The following EML6 variants were observed in gnomAD, a reference collection of about 807,000 sequenced individuals.
EML6 encodes echinoderm microtubule-associated protein-like 6.
EML6 carries 154 observed loss-of-function variants against 240.1 expected under a neutral mutation model. That is an observed-to-expected ratio of 0.64 (90% confidence interval 0.56 to 0.73). EML6 has a LOEUF of 0.73. EML6 is among the 30% of genes least tolerant of loss of function. The pLI is 0.00. For missense variants in EML6, 2,964 were observed against 2,474.6 expected (o/e 1.20, Z -4.20); for synonymous variants, 1,148 against 899.0 (o/e 1.28, Z -4.95).
chr2:54,923,099 G>T (rs2104359364), intron 26 of EML6, among the ~76,000 whole-genome samples: 1 of 151,912 alleles, frequency 6.6e-6, no homozygotes, highest in East Asian at 1.9e-4. Context: ...GTGGCACTAT[G>T]CCTGGCTAAT....
At chr2:54,966,390 G>C (rs939931781) in intron 38 of EML6, among the ~76,000 whole-genome samples, 1 of 152,240 alleles carries the variant, frequency 6.6e-6, no homozygotes, top group Non-Finnish European at 1.5e-5. Flanking sequence ...AAGCACTGCA[G>C]GGAGAGAGGA....
At chr2:54,729,324 TG>T (rs1431138675) in intron 2 of EML6, among the ~76,000 whole-genome samples, 3 of 152,260 alleles carry the variant, frequency 2.0e-5, no homozygotes, top group Admixed American at 6.5e-5. Context: ...GTGTGTTTTG[TG>T]ACCGATGCTG....
chr2:54,740,020 T>C (rs1683562225), intron 2 of EML6, among the ~76,000 whole-genome samples: 1 of 152,200 alleles, frequency 6.6e-6, no homozygotes. Flanking sequence ...AGTCAGCTGG[T>C]TGAATGGTGA....
chr2:54,883,389 T>C (rs942885886), intron 17 of EML6, among the ~76,000 whole-genome samples: 3 of 152,210 alleles, frequency 2.0e-5, no homozygotes, highest in Non-Finnish European at 2.9e-5. Flanking sequence ...AGTTAGTATA[T>C]GTATCAAACA....
At chr2:54,893,567 G>A (rs1672595468) in intron 19 of EML6, among the ~76,000 whole-genome samples, 1 of 152,086 alleles carries the variant, frequency 6.6e-6, no homozygotes. Context: ...TTTTGGAGGG[G>A]GCTAATATTT....
At chr2:54,907,254 T>C (rs1573116731) in intron 24 of EML6, among the ~76,000 whole-genome samples, 2 of 152,310 alleles carry the variant, frequency 1.3e-5, no homozygotes, top group Middle Eastern at 3.4e-3. Context: ...CTCACACCTG[T>C]ATTCTCAGCA....
chr2:54,961,192 T>TTTTGTTTG (rs1676492034), intron 35 of EML6, among the ~76,000 whole-genome samples: 1 of 113,432 alleles, frequency 8.8e-6, no homozygotes, highest in Non-Finnish European at 1.8e-5. Context: ...TAGTTTTTTT[T>TTTTGTTTG]TTTTTTTTTT....
chr2:54,749,831 C>G (rs1406734356), intron 2 of EML6, among the ~76,000 whole-genome samples: 2 of 152,298 alleles, frequency 1.3e-5, no homozygotes, highest in Admixed American at 6.5e-5. Flanking sequence ...ATTTTAGTCA[C>G]TCAGTTATTG....
intron 2 of EML6, among the ~76,000 whole-genome samples, chr2:54,770,103 T>C (rs1003521601): frequency 6.6e-5 from 10 of 152,210 alleles, no homozygotes; most frequent in African/African-American, 2.4e-4. Context: ...TACTCAAATA[T>C]TTGTCCTGAG....
intron 2 of EML6, among the ~76,000 whole-genome samples, chr2:54,793,706 A>G (rs1194578757): frequency 6.6e-6 from 1 of 152,164 alleles, no homozygotes; most frequent in African/African-American, 2.4e-5. Context: ...CCTTTGAGCC[A>G]GATGTGGCTG....
chr2:54,872,079 A>G (rs1573040788), intron 16 of EML6, among the ~76,000 whole-genome samples: 1 of 152,348 alleles, frequency 6.6e-6, no homozygotes, highest in African/African-American at 2.4e-5. Flanking sequence ...CCAGTTTACA[A>G]CATTGGTATT....
intron 28 of EML6, among the ~76,000 whole-genome samples, chr2:54,944,695 A>G (rs1164072453): frequency 6.6e-6 from 1 of 152,108 alleles, no homozygotes; most frequent in Non-Finnish European, 1.5e-5. Flanking sequence ...GAGCATTTTC[A>G]AGAGGGTAGG....
chr2:54,823,608 G>A (rs1668431414), intron 5 of EML6, among the ~76,000 whole-genome samples: 1 of 152,074 alleles, frequency 6.6e-6, no homozygotes. Flanking sequence ...AATTGTTTCA[G>A]CCATGAGTAA....
chr2:54,883,979 A>G (rs1019614545), intron 17 of EML6, among the ~76,000 whole-genome samples: 1 of 152,184 alleles, frequency 6.6e-6, no homozygotes, highest in Non-Finnish European at 1.5e-5. Flanking sequence ...TCACTCAACA[A>G]CAATCTGCAC....
chr2:54,927,261 G>A (rs75844590), intron 26 of EML6, among the ~76,000 whole-genome samples: 1,555 of 152,296 alleles, frequency 0.01, 12 homozygotes, highest in Non-Finnish European at 0.016. Context: ...CAAATACAGG[G>A]CGATCTTGAC....
chr2:54,773,427 G>A (rs945907919), intron 2 of EML6, among the ~76,000 whole-genome samples: 2 of 152,198 alleles, frequency 1.3e-5, no homozygotes, highest in African/African-American at 2.4e-5. Flanking sequence ...TCTCAGATCC[G>A]TAACTGAGCC....
At chr2:54,805,037 C>A (rs1386331447) in intron 2 of EML6, among the ~76,000 whole-genome samples, 1 of 152,104 alleles carries the variant, frequency 6.6e-6, no homozygotes, top group Non-Finnish European at 1.5e-5. Context: ...TGTCTTGGCT[C>A]CTAACATATG....
intron 28 of EML6, among the ~76,000 whole-genome samples, chr2:54,948,111 A>C (rs1675780598): frequency 6.6e-6 from 1 of 152,118 alleles, no homozygotes; most frequent in Non-Finnish European, 1.5e-5. Context: ...ATCCATAGAG[A>C]AATCTGATTT....
Position 54,900,906 on chromosome 2 carries a change from T to C in EML6, c.3124+1124T>C, listed in dbSNP as rs535245380. Among the ~76,000 whole-genome samples the C allele has an allele frequency of 1.9e-3, 293 of 152,250 alleles. 10 individuals carry two copies. In the South Asian group the frequency reaches 0.056, roughly 29 times the overall value. ...ATGCTTCATCAGAGAGGTGACGAGC[T>C]GAGGCTTGAAGGATCTGTAAAAGTT... On this transcript the variant is annotated intron_variant, in intron 22 of 41. Transcript: ENST00000356458.
Sources: allele counts gnomAD v4.1 joint callset (sites outside exome capture counted in the v4.1 genomes callset), GRCh38; gene constraint gnomAD v4.1.1; transcripts MANE v1.5; gene names NCBI Gene and HGNC (gene_info 2026-07-23, HGNC 2026-07-21).